Variants in BORCS5 observed in about 807,000 individuals in gnomAD.
The protein encoded by BORCS5 is BLOC-1 related complex subunit 5.
BORCS5 carries 17 observed loss-of-function variants against 22.1 expected under a neutral mutation model. The ratio of observed to expected loss-of-function variants is 0.77; its 90% confidence interval spans 0.53 to 1.15. The LOEUF is 1.15. Ranked by LOEUF, BORCS5 falls within the 50% of genes most tolerant of loss-of-function variation. The pLI is 0.00. For missense variants in BORCS5, 247 were observed against 253.2 expected (o/e 0.98, Z 0.17); for synonymous variants, 117 against 99.8 (o/e 1.17, Z -1.03).
intron 3 of BORCS5, among the ~76,000 whole-genome samples, chr12:12,436,607 T>A (rs546251637): frequency 6.6e-6 from 1 of 151,518 alleles, no homozygotes; most frequent in Non-Finnish European, 1.5e-5. Context: ...CTCCCAGATT[T>A]GTTTAACAAA....
chr12:12,389,921 G>A (rs1419838985), intron 2 of BORCS5, among the ~76,000 whole-genome samples: 1 of 152,098 alleles, frequency 6.6e-6, no homozygotes, highest in Non-Finnish European at 1.5e-5. Flanking sequence ...TGGGATTACA[G>A]CCATGAGGCA....
At chr12:12,405,936 A>G (rs1941585732) in intron 2 of BORCS5, among the ~76,000 whole-genome samples, 1 of 152,260 alleles carries the variant, frequency 6.6e-6, no homozygotes, top group Non-Finnish European at 1.5e-5. Context: ...GTTTTGGGCT[A>G]CCTAGCCAAG....
intron 2 of BORCS5, among the ~76,000 whole-genome samples, chr12:12,361,800 T>C (rs1396462487): frequency 3.3e-5 from 5 of 152,226 alleles, no homozygotes; most frequent in Non-Finnish European, 5.9e-5. Context: ...TTCAGATCCA[T>C]AGAGAAAAAT....
chr12:12,382,762 A>C (rs1046970793), intron 2 of BORCS5, among the ~76,000 whole-genome samples: 1 of 150,956 alleles, frequency 6.6e-6, no homozygotes, highest in Non-Finnish European at 1.5e-5. Flanking sequence ...CGAACTCCTG[A>C]CCTCAGATGA....
intron 1 of BORCS5, among the ~76,000 whole-genome samples, chr12:12,358,288 T>C (rs1270261381): frequency 6.6e-6 from 1 of 151,844 alleles, no homozygotes; most frequent in Admixed American, 6.6e-5. Flanking sequence ...CTAAAAAGAG[T>C]CGCCGATTTT....
chr12:12,421,341 A>G (rs1370449299), intron 2 of BORCS5, among the ~76,000 whole-genome samples: 1 of 151,996 alleles, frequency 6.6e-6, no homozygotes, highest in African/African-American at 2.4e-5. Context: ...TGTTTATGTG[A>G]TGGATTACGT....
intron 2 of BORCS5, among the ~76,000 whole-genome samples, chr12:12,399,776 T>C (rs1351496162): frequency 6.6e-6 from 1 of 152,214 alleles, no homozygotes; most frequent in African/African-American, 2.4e-5. Context: ...TTCTAGGTGC[T>C]TAGCCAGTAA....
At position 12,471,129 on chromosome 12, in the gene BORCS5, C is replaced by T. The variant is rs769045771; in HGVS notation, c.*5353C>T. On this transcript the variant is annotated 3_prime_UTR_variant, in exon 4 of 4. Transcript: ENST00000314565. ...TTTCCTGTGGGACAGCATTTTCAAACGGATTCTAGTGTTTGAGCTGGAACC... is the reference window on the plus strand; with the variant it reads ...TTTCCTGTGGGACAGCATTTTCAAATGGATTCTAGTGTTTGAGCTGGAACC... Among the ~76,000 whole-genome samples, 12 of 152,158 alleles carry T rather than the reference C, an allele frequency of 7.9e-5. No individual in the cohort carries two copies. The highest frequency in any genetic ancestry group is 2.1e-4 in the South Asian group (1 of 4,830).
chr12:12,432,308 T>C (rs879689738), intron 2 of BORCS5, among the ~76,000 whole-genome samples: 2 of 152,194 alleles, frequency 1.3e-5, no homozygotes, highest in Non-Finnish European at 2.9e-5. Flanking sequence ...CAATTTCGGA[T>C]TGACAGCAAA....
At chr12:12,462,556 G>C (rs562916197) in intron 3 of BORCS5, among the ~76,000 whole-genome samples, 3 of 152,210 alleles carry the variant, frequency 2.0e-5, no homozygotes, top group Non-Finnish European at 2.9e-5. Context: ...GATGAGTGTG[G>C]TGAACAAAAA....
At chr12:12,386,630 T>TGCCACCACGCCCG (rs58938227) in intron 2 of BORCS5, among the ~76,000 whole-genome samples, 2 of 148,894 alleles carry the variant, frequency 1.3e-5, no homozygotes, top group Non-Finnish European at 3.0e-5. Flanking sequence ...TACAGGCACG[T>TGCCACCACGCCCG]GCTAGTTTTT....
chr12:12,446,728 G>A (rs1448084469), intron 3 of BORCS5, among the ~76,000 whole-genome samples: 2 of 152,156 alleles, frequency 1.3e-5, no homozygotes, highest in African/African-American at 2.4e-5. Context: ...ACGTCCTGGC[G>A]ATCCTCCATA....
chr12:12,363,782 C>T (rs537317643), intron 2 of BORCS5, among the ~76,000 whole-genome samples: 92 of 151,972 alleles, frequency 6.1e-4, no homozygotes, highest in African/African-American at 2.0e-3. Flanking sequence ...CCTGTAAACC[C>T]AGCTACTCAG....
chr12:12,412,900 C>CTTTTTTTTTTGTTT (rs1941775692), intron 2 of BORCS5, among the ~76,000 whole-genome samples: 1 of 74,174 alleles, frequency 1.3e-5, no homozygotes, highest in Non-Finnish European at 2.5e-5. Flanking sequence ...TTGTGGTTTT[C>CTTTTTTTTTTGTTT]TTTTTTTTTT....
intron 2 of BORCS5, among the ~76,000 whole-genome samples, chr12:12,375,012 C>CT (rs1555145429): frequency 1.3e-4 from 19 of 149,282 alleles, no homozygotes; most frequent in South Asian, 2.2e-4. Flanking sequence ...CTTTTCTTTT[C>CT]TTTTCTTTTT....
intron 2 of BORCS5, among the ~76,000 whole-genome samples, chr12:12,421,565 T>A (rs971015147): frequency 6.6e-6 from 1 of 152,222 alleles, no homozygotes; most frequent in African/African-American, 2.4e-5. Flanking sequence ...GCTGGCCTCA[T>A]AAAATGAGTT....
chr12:12,364,141 C>T (rs1388496812), intron 2 of BORCS5, among the ~76,000 whole-genome samples: 2 of 151,946 alleles, frequency 1.3e-5, no homozygotes, highest in African/African-American at 2.4e-5. Context: ...TTTGGGAGGC[C>T]GAGGAGGATG....
chr12:12,394,884 C>T (rs1327562148), intron 2 of BORCS5, among the ~76,000 whole-genome samples: 1 of 152,094 alleles, frequency 6.6e-6, no homozygotes, highest in African/African-American at 2.4e-5. Context: ...GAAATATTAA[C>T]ATCATCCACA....
At chr12:12,434,006 A>G (rs959197553) in intron 2 of BORCS5, among the ~76,000 whole-genome samples, 3 of 151,986 alleles carry the variant, frequency 2.0e-5, no homozygotes, top group Non-Finnish European at 4.4e-5. Context: ...GGGGTCGGTG[A>G]GGAAGGGTTC....
Sources: gnomAD v4.1 joint callset for allele counts (sites outside exome capture counted in the v4.1 genomes callset) on GRCh38, gnomAD v4.1.1 for gene constraint, MANE v1.5 for transcripts, NCBI Gene and HGNC (gene_info 2026-07-23, HGNC 2026-07-21) for gene names.